ZEB1: variants seen among roughly 807,000 people sequenced by gnomAD.
ZEB1 encodes zinc finger E-box-binding homeobox 1.
Under a neutral mutation model 84.9 loss-of-function variants are expected in ZEB1, and 21 were observed. That is an observed-to-expected ratio of 0.25 (90% confidence interval 0.18 to 0.36). ZEB1 has a LOEUF of 0.36. Among genes scored for constraint, ZEB1 ranks in the 10% least tolerant of loss-of-function variants. The pLI is 1.00. For missense variants in ZEB1, 1,104 were observed against 1,330.2 expected, an observed-to-expected ratio of 0.83 and a Z score of 2.65; for synonymous variants, 420 against 471.1, an observed-to-expected ratio of 0.89 and a Z score of 1.41.
rs548917360 is a variant in ZEB1, at chr10:31,365,040, C to T, written c.58+45748C>T. On this transcript the variant is annotated intron_variant, in intron 1 of 8. Transcript: ENST00000424869. Reference sequence around the variant, plus strand: ...AATGGAGCCTTTCACCCCAGATGTTCTTTCTCGTCTGATGGGAAGGATCCA... The same window carrying T: ...AATGGAGCCTTTCACCCCAGATGTTTTTTCTCGTCTGATGGGAAGGATCCA... 3.9e-5 allele frequency among the ~76,000 whole-genome samples: 6 copies of T among 152,304 alleles called. No homozygotes were observed. In the South Asian group the frequency reaches 1.2e-3, roughly 32 times the overall value.
At chr10:31,473,590 C>T (rs1486856961) in intron 2 of ZEB1, among the ~76,000 whole-genome samples, 5 of 150,462 alleles carry the variant, frequency 3.3e-5, no homozygotes, top group East Asian at 3.9e-4. Flanking sequence ...ACATTCCATG[C>T]TCATGGCTAG....
intron 2 of ZEB1, among the ~76,000 whole-genome samples, chr10:31,475,954 A>G: frequency 6.6e-6 from 1 of 152,156 alleles, no homozygotes; most frequent in East Asian, 1.9e-4. Context: ...CCTTGAACAT[A>G]AAAGGCCTAA....
At chr10:31,429,732 A>AC (rs2057455887) in intron 1 of ZEB1, among the ~76,000 whole-genome samples, 1 of 124,006 alleles carries the variant, frequency 8.1e-6, no homozygotes, top group Admixed American at 7.6e-5. Context: ...TACAGGCAGA[A>AC]CTTTTTTTTT....
At chr10:31,497,672 A>T (rs2067441515) in intron 3 of ZEB1, among the ~76,000 whole-genome samples, 1 of 152,158 alleles carries the variant, frequency 6.6e-6, no homozygotes, top group African/African-American at 2.4e-5. Context: ...GAGCAAAAGC[A>T]TTGTACAGCA....
At position 31,331,081 on chromosome 10, in the gene ZEB1, CTTTTTTTT is replaced by C. The variant is rs548615284; in HGVS notation, c.58+11808_58+11815del. 2.7e-4 allele frequency among the ~76,000 whole-genome samples: 21 copies of C among 77,848 alleles called. No homozygotes were observed. In the East Asian group the frequency reaches 3.3e-3, roughly 12 times the overall value. The allele number at this position is 77,848 out of a possible 152,430, so 51.1% of individuals were successfully genotyped here. A position where few individuals can be genotyped will look rare whatever the true frequency, so the allele number is the denominator to read the frequency against. On this transcript the variant is annotated intron_variant, in intron 1 of 8. Coordinates refer to ENST00000424869, the MANE Select transcript of ZEB1 (RefSeq NM_001174096.2). Reference sequence around the variant, plus strand: ...ATTTTCTTTTCTTTTTTCTTTCTTTCTTTTTTTTTTTTTTTTTTTTTTTTTTGAGACGG... The same window carrying C: ...ATTTTCTTTTCTTTTTTCTTTCTTTCTTTTTTTTTTTTTTTTTTGAGACGG...
chr10:31,480,976 A>G (rs1377662960), intron 2 of ZEB1, among the ~76,000 whole-genome samples: 5 of 152,052 alleles, frequency 3.3e-5, no homozygotes, highest in Non-Finnish European at 7.4e-5. Context: ...TAGTTATATA[A>G]ATAAGCTCTA....
At chr10:31,324,440 G>C (rs2034992054) in intron 1 of ZEB1, among the ~76,000 whole-genome samples, 1 of 151,960 alleles carries the variant, frequency 6.6e-6, no homozygotes. Flanking sequence ...CATGTGGTTA[G>C]AGCCAGATGT....
At chr10:31,322,212 TG>T (rs1285400178) in intron 1 of ZEB1, 2 of 152,442 alleles carry the variant, frequency 1.3e-5, no homozygotes, top group Non-Finnish European at 2.9e-5. Context: ...AAATTAAAAA[TG>T]AAGTTATATT....
At chr10:31,381,865 G>A (rs1232172275) in intron 1 of ZEB1, 2 of 152,080 alleles carry the variant, frequency 1.3e-5, no homozygotes, top group African/African-American at 4.8e-5. Flanking sequence ...AGAGAAATTA[G>A]CTGGGTGTGG....
At chr10:31,370,359 C>T (rs912833157) in intron 1 of ZEB1, among the ~76,000 whole-genome samples, 3 of 152,074 alleles carry the variant, frequency 2.0e-5, no homozygotes, top group Non-Finnish European at 2.9e-5. Context: ...GCCTGTAATC[C>T]CAGCACTTTG....
chr10:31,481,600 G>A (rs780771160), intron 2 of ZEB1, among the ~76,000 whole-genome samples: 33 of 151,840 alleles, frequency 2.2e-4, no homozygotes, highest in Non-Finnish European at 4.6e-4. Context: ...GAGGCAGGAG[G>A]ATCGCTTGAG....
intron 2 of ZEB1, among the ~76,000 whole-genome samples, chr10:31,469,005 A>G (rs2062805418): frequency 6.6e-6 from 1 of 152,230 alleles, no homozygotes; most frequent in South Asian, 2.1e-4. Flanking sequence ...TACAAGAGAA[A>G]GTTGAAAACC....
At chr10:31,460,518 A>C (rs1224593259) in intron 1 of ZEB1, among the ~76,000 whole-genome samples, 2 of 152,214 alleles carry the variant, frequency 1.3e-5, no homozygotes, top group South Asian at 2.1e-4. Flanking sequence ...CAATCCTTTA[A>C]GGATTCAAAG....
At chr10:31,351,383 TACTAG>T (rs957570868) in intron 1 of ZEB1, among the ~76,000 whole-genome samples, 3 of 152,188 alleles carry the variant, frequency 2.0e-5, no homozygotes, top group African/African-American at 4.8e-5. Context: ...AATGCTTTTT[TACTAG>T]ACTAAATAAC....
At chr10:31,435,210 T>A (rs1488355522) in intron 1 of ZEB1, among the ~76,000 whole-genome samples, 1 of 152,198 alleles carries the variant, frequency 6.6e-6, no homozygotes, top group Non-Finnish European at 1.5e-5. Context: ...AGGGGCCATG[T>A]GCCAAGGAAT....
intron 1 of ZEB1, among the ~76,000 whole-genome samples, chr10:31,414,661 C>CACATT (rs2054898164): frequency 6.6e-6 from 1 of 152,160 alleles, no homozygotes; most frequent in African/African-American, 2.4e-5. Flanking sequence ...TTGATATTTT[C>CACATT]ACATTTCTAC....
chr10:31,366,760 T>A (rs1467015775), intron 1 of ZEB1, among the ~76,000 whole-genome samples: 2 of 152,194 alleles, frequency 1.3e-5, no homozygotes, highest in Non-Finnish European at 2.9e-5. Context: ...CTTTTTCTTC[T>A]ATGAAGCCTT....
In ZEB1 at chr10:31,520,921, G is replaced by A. The variant is rs2072192434; in HGVS notation, c.1589G>A (p.Ser530Asn). The A allele has an allele frequency of 1.9e-6, 3 of 1,614,092 alleles. No homozygotes were observed. The highest frequency in any genetic ancestry group is 1.7e-6 in the Non-Finnish European group (2 of 1,179,988). ...AGCTTTGAAGGGGGGGTGAATGATA[G>A]CACTTGTCTTCTGTGTGATGATTGT... ...DKSFEGGVNDSTCLLCDDCPG... is the reference protein window; with the variant it reads ...DKSFEGGVNDNTCLLCDDCPG... The change falls in exon 7 of 9, where the codon AGC becomes AAC. Residue 530 changes from serine to asparagine, a missense_variant. Ser to Asn is a conservative substitution (Grantham distance 46). Coordinates refer to ENST00000424869, the MANE Select transcript of ZEB1 (RefSeq NM_001174096.2). This position sits in a 1 kb window ranked among gnomAD's most constrained non-coding sequence, Gnocchi z 5.1.
chr10:31,433,961 T>G (rs1317812440), intron 1 of ZEB1, among the ~76,000 whole-genome samples: 1 of 152,192 alleles, frequency 6.6e-6, no homozygotes, highest in Non-Finnish European at 1.5e-5. Flanking sequence ...AGAAATTGCT[T>G]TTAGTTCAAA....
Sources: gnomAD v4.1 joint callset for allele counts (sites outside exome capture counted in the v4.1 genomes callset) on GRCh38, gnomAD v4.1.1 for gene constraint, Gnocchi (gnomAD v3.1) non-coding constraint, MANE v1.5 for transcripts, NCBI Gene and HGNC (gene_info 2026-07-23, HGNC 2026-07-21) for gene names.